ZNF462: variants seen among roughly 807,000 people sequenced by gnomAD.
ZNF462 encodes the protein zinc finger protein 462.
Under a neutral mutation model 201.9 loss-of-function variants are expected in ZNF462, and 10 were observed. The observed-to-expected ratio is 0.05, with a 90% CI of 0.03 to 0.08. The LOEUF is 0.08. Ranked by LOEUF, ZNF462 falls within the 10% of genes least tolerant of loss-of-function variation. The probability of loss-of-function intolerance (pLI) is 1.00; values close to 1 mark genes in which losing one functional copy is unlikely to be tolerated. For missense variants in ZNF462, 2,523 were observed against 3,168.3 expected (o/e 0.80, Z 4.89); for synonymous variants, 1,227 against 1,193.3 (o/e 1.03, Z -0.58).
chr9:107,009,246 C>A lies in ZNF462; in HGVS notation c.7190-299C>A. On this transcript the variant is annotated intron_variant, in intron 11 of 12. Coordinates refer to ENST00000277225, the MANE Select transcript of ZNF462 (RefSeq NM_021224.6). This position sits in a 1 kb window ranked among gnomAD's most constrained non-coding sequence, Gnocchi z 6.1. Reference sequence around the variant, plus strand: ...AATCGGAAAAAATAATGCTCAGATTCCTTTGGAATCTCGGGCAAGCGGCTC... The same window carrying A: ...AATCGGAAAAAATAATGCTCAGATTACTTTGGAATCTCGGGCAAGCGGCTC... 2.8e-6 allele frequency: 1 copy of A among 363,146 alleles called. No homozygotes were observed. Among genetic ancestry groups the A allele is most frequent in the Non-Finnish European group, 5.0e-6 (1 of 199,078 alleles). The allele number at this position is 363,146 out of a possible 1,614,324, so 22.5% of individuals were successfully genotyped here.
intron 1 of ZNF462, among the ~76,000 whole-genome samples, chr9:106,887,886 C>T (rs1373297183): frequency 3.3e-5 from 5 of 152,198 alleles, no homozygotes; most frequent in African/African-American, 1.2e-4. Context: ...ACACGACCCT[C>T]ACAAGTGTAA....
At chr9:106,911,498 C>T (rs974770158) in intron 1 of ZNF462, among the ~76,000 whole-genome samples, 2 of 152,160 alleles carry the variant, frequency 1.3e-5, no homozygotes, top group Non-Finnish European at 2.9e-5. Flanking sequence ...AATTACTGGA[C>T]CTCAACACCA....
rs141026143 is a variant in ZNF462 at position 106,930,065 on chromosome 9, C to T, written c.5847+306C>T. ...TATCTGAAGCCTAGTTTTACAACAA[C>T]GCTCGCTCTTTCCTAAGGCAGTGTG... On this transcript the variant is annotated intron_variant, in intron 3 of 12. Transcript: ENST00000277225. The surrounding 1 kb of genome is among the most constrained non-coding windows in gnomAD (Gnocchi z 5.8). 7.6e-4 allele frequency among the ~76,000 whole-genome samples: 115 copies of T among 152,228 alleles called. No homozygotes were observed. The highest frequency in any genetic ancestry group is 2.7e-3 in the African/African-American group (113 of 41,530).
chr9:106,952,745 A>G (rs1831407470), intron 7 of ZNF462, among the ~76,000 whole-genome samples: 1 of 152,222 alleles, frequency 6.6e-6, no homozygotes, highest in African/African-American at 2.4e-5. Context: ...CACTTATTGC[A>G]TATCTACTGA....
intron 1 of ZNF462, among the ~76,000 whole-genome samples, chr9:106,896,748 C>T (rs930063152): frequency 6.6e-6 from 1 of 152,174 alleles, no homozygotes; most frequent in East Asian, 1.9e-4. Context: ...CTTGCTGTCT[C>T]TTGTATAGGA....
intron 1 of ZNF462, among the ~76,000 whole-genome samples, chr9:106,914,352 G>A (rs918297185): frequency 2.0e-5 from 3 of 152,192 alleles, no homozygotes; most frequent in African/African-American, 2.4e-5. Context: ...TGTCCTGTGC[G>A]TTGTAGAATG....
At chr9:106,910,017 C>G (rs943696455) in intron 1 of ZNF462, among the ~76,000 whole-genome samples, 1 of 152,176 alleles carries the variant, frequency 6.6e-6, no homozygotes, top group African/African-American at 2.4e-5. Context: ...TCTCCACTTG[C>G]TTTCATCTAC....
chr9:106,909,607 G>A (rs963339285), intron 1 of ZNF462, among the ~76,000 whole-genome samples: 1 of 152,108 alleles, frequency 6.6e-6, no homozygotes, highest in African/African-American at 2.4e-5. Flanking sequence ...TAAAAAACTG[G>A]TTGTGAACTT....
At chr9:106,964,959 G>A (rs764402963) in intron 7 of ZNF462, among the ~76,000 whole-genome samples, 1 of 152,086 alleles carries the variant, frequency 6.6e-6, no homozygotes, top group African/African-American at 2.4e-5. Flanking sequence ...TCTTTGGTTA[G>A]AATGTTTTAA....
At position 106,928,079 on chromosome 9, in the gene ZNF462, A is replaced by G. The variant is rs1830274281; in HGVS notation, c.4167A>G (p.Gln1389=). ...VSIWDITNHY[Q]AFHPWAMNGD... ...TCTGGGACATCACTAATCACTACCA[A>G]GCATTCCACCCCTGGGCCATGAATG... Residue 1389 remains glutamine, a synonymous_variant, in exon 3 of 13, where the codon CAA becomes CAG. Transcript: ENST00000277225. The surrounding 1 kb of genome is among the most constrained non-coding windows in gnomAD (Gnocchi z 9.3). 2.5e-6 allele frequency: 4 copies of G among 1,614,144 alleles called. No individual in the cohort carries two copies. Among genetic ancestry groups the G allele is most frequent in the Non-Finnish European group, 3.4e-6 (4 of 1,180,012 alleles).
chr9:106,997,157 TATGTA>T (rs1828797706), intron 10 of ZNF462, among the ~76,000 whole-genome samples: 1 of 152,056 alleles, frequency 6.6e-6, no homozygotes, highest in African/African-American at 2.4e-5. Flanking sequence ...AAATTGTACA[TATGTA>T]AGGTGTACAA....
intron 9 of ZNF462, among the ~76,000 whole-genome samples, chr9:106,983,014 G>A (rs1010666777): frequency 6.6e-6 from 1 of 152,148 alleles, no homozygotes; most frequent in Non-Finnish European, 1.5e-5. Context: ...TATATGTTGT[G>A]TGCGTCCATT....
chr9:106,949,780 TG>T (rs1426413041), intron 7 of ZNF462, among the ~76,000 whole-genome samples: 2 of 152,204 alleles, frequency 1.3e-5, no homozygotes, highest in African/African-American at 4.8e-5. Context: ...CCAATCCAAA[TG>T]TAATCTTCAT....
At chr9:106,914,801 T>C (rs1423869718) in intron 1 of ZNF462, among the ~76,000 whole-genome samples, 1 of 152,042 alleles carries the variant, frequency 6.6e-6, no homozygotes, top group Non-Finnish European at 1.5e-5. Flanking sequence ...GGGTTGGTGG[T>C]GTGAGTAGGG....
rs1470102026 is a variant in ZNF462, at chr9:106,913,946, C to T, written c.-30-9408C>T. Among the ~76,000 whole-genome samples the T allele has an allele frequency of 2.0e-5, 3 of 150,272 alleles. No individual in the cohort carries two copies. The highest frequency in any genetic ancestry group is 4.5e-5 in the Non-Finnish European group (3 of 67,414). ...ACATTTGCCCCTTACTCACAAAACT[C>T]ACAGGATTATCAACTGTGCAAAGGT... is the stretch of plus-strand genomic sequence containing the variant. On this transcript the variant is annotated intron_variant, in intron 1 of 12. Coordinates refer to ENST00000277225, the MANE Select transcript of ZNF462 (RefSeq NM_021224.6). This position sits in a 1 kb window ranked among gnomAD's most constrained non-coding sequence, Gnocchi z 4.1.
At chr9:106,982,247 G>T (rs1827490679) in intron 9 of ZNF462, among the ~76,000 whole-genome samples, 1 of 152,212 alleles carries the variant, frequency 6.6e-6, no homozygotes, top group South Asian at 2.1e-4. Flanking sequence ...TCCCCAGAGT[G>T]TGTTAGTCTG....
rs1344062518 is a variant in ZNF462, at chr9:106,919,264, A to C, written c.-30-4090A>C. ...GACCAAGTGATGGTGGCGGGCCTGT[A>C]AGAATGCTGTACAATGTCAACACCT... On this transcript the variant is annotated intron_variant, in intron 1 of 12. Coordinates refer to ENST00000277225, the MANE Select transcript of ZNF462 (RefSeq NM_021224.6). The surrounding 1 kb of genome is among the most constrained non-coding windows in gnomAD (Gnocchi z 4.5). Among the ~76,000 whole-genome samples, 3 of 152,210 alleles carry C rather than the reference A, an allele frequency of 2.0e-5. No homozygotes were observed. The highest frequency in any genetic ancestry group is 4.4e-5 in the Non-Finnish European group (3 of 68,046).
rs1267264868 is a variant in ZNF462, at chr9:106,880,525, C to T, written c.-31+17170C>T. 1.3e-5 allele frequency among the ~76,000 whole-genome samples: 2 copies of T among 152,212 alleles called. No homozygotes were observed. Among genetic ancestry groups the T allele is most frequent in the African/African-American group, 2.4e-5 (1 of 41,440 alleles). On this transcript the variant is annotated intron_variant, in intron 1 of 12. Transcript: ENST00000277225. This position sits in a 1 kb window ranked among gnomAD's most constrained non-coding sequence, Gnocchi z 4.1. ...ATCTAAAATTAGCCACATCTCCTAA[C>T]CCAAGTGTGGACTTTGTGTTTGTTT...
intron 7 of ZNF462, among the ~76,000 whole-genome samples, chr9:106,944,391 GT>G (rs1831013774): frequency 6.6e-6 from 1 of 152,142 alleles, no homozygotes; most frequent in African/African-American, 2.4e-5. Context: ...GTGAGACTCA[GT>G]TTTTCTAAAC....
Sources: allele counts gnomAD v4.1 joint callset (sites outside exome capture counted in the v4.1 genomes callset), GRCh38; gene constraint gnomAD v4.1.1; non-coding constraint Gnocchi (gnomAD v3.1); transcripts MANE v1.5; gene names NCBI Gene and HGNC (gene_info 2026-07-23, HGNC 2026-07-21).